The following SIN3B variants were observed in gnomAD, a reference collection of about 807,000 sequenced individuals.
SIN3B encodes paired amphipathic helix protein Sin3b.
A neutral mutation model predicts 120.2 loss-of-function variants in SIN3B; 19 were observed. The ratio of observed to expected loss-of-function variants is 0.16; its 90% CI spans 0.11 to 0.23. The LOEUF is 0.23. SIN3B is among the 10% of genes least tolerant of loss of function. The probability of loss-of-function intolerance (pLI) is 1.00; values close to 1 mark genes in which losing one functional copy is unlikely to be tolerated. For synonymous variants in SIN3B, 654 were observed against 653.2 expected (o/e 1.00, Z -0.02); for missense variants, 1,073 against 1,573.0 (o/e 0.68, Z 5.38).
intron 3 of SIN3B, among the ~76,000 whole-genome samples, chr19:16,832,644 G>A (rs1971294735): frequency 6.6e-6 from 1 of 151,874 alleles, no homozygotes; most frequent in Admixed American, 6.6e-5. Flanking sequence ...AGGACTACAG[G>A]CGTGCACCAC....
intron 3 of SIN3B, among the ~76,000 whole-genome samples, chr19:16,841,501 G>A (rs1971416358): frequency 6.6e-6 from 1 of 152,186 alleles, no homozygotes; most frequent in Admixed American, 6.5e-5. Flanking sequence ...TGAATGTGAA[G>A]TTTTCCAAAT....
At chr19:16,841,165 C>CGCATA (rs772017738) in intron 3 of SIN3B, among the ~76,000 whole-genome samples, 5 of 152,042 alleles carry the variant, frequency 3.3e-5, no homozygotes, top group Admixed American at 6.5e-5. Context: ...GAAAAGTACA[C>CGCATA]GCATAGAGGG....
At chr19:16,849,898 C>T (rs1177996136) in intron 5 of SIN3B, among the ~76,000 whole-genome samples, 1 of 150,406 alleles carries the variant, frequency 6.6e-6, no homozygotes, top group East Asian at 2.0e-4. Context: ...GGAGGTTGCA[C>T]TGAGCTGAGA....
At chr19:16,846,775 C>G (rs140036161) in intron 4 of SIN3B, among the ~76,000 whole-genome samples, 195 bp from the exon 5 acceptor site, 4 of 152,162 alleles carry the variant, frequency 2.6e-5, no homozygotes, top group African/African-American at 9.7e-5. Context: ...TACTCCTGGA[C>G]GGGACCTGCC....
chr19:16,830,995 G>A (rs1443692290), intron 2 of SIN3B, among the ~76,000 whole-genome samples: 1 of 152,064 alleles, frequency 6.6e-6, no homozygotes, highest in Non-Finnish European at 1.5e-5. Context: ...CACCAGGAGG[G>A]AACAGGGAGC....
intron 12 of SIN3B, among the ~76,000 whole-genome samples, chr19:16,867,461 A>T (rs1321583716): frequency 6.6e-6 from 1 of 152,092 alleles, no homozygotes; most frequent in Non-Finnish European, 1.5e-5. Context: ...GCCTGCTTGC[A>T]GGATCCTGAG....
chr19:16,854,766 T>C (rs1392419115), intron 8 of SIN3B: 1 of 152,564 alleles, frequency 6.6e-6, no homozygotes, highest in Non-Finnish European at 1.5e-5. Flanking sequence ...ACTGGTGCTC[T>C]GAGCTGCTGG....
At chr19:16,838,375 G>A (rs1395942888) in intron 3 of SIN3B, among the ~76,000 whole-genome samples, 3 of 152,096 alleles carry the variant, frequency 2.0e-5, no homozygotes, top group Admixed American at 6.5e-5. Flanking sequence ...CCATGAGTCT[G>A]CTTCCTGTCT....
Position 16,876,307 on chromosome 19 carries a change from C to A in SIN3B, c.2766+79C>A. The A allele has an allele frequency of 1.3e-6, 2 of 1,507,996 alleles. No homozygotes were observed. The highest frequency in any genetic ancestry group is 1.8e-6 in the Non-Finnish European group (2 of 1,114,564). The allele number at this position is 1,507,996 out of a possible 1,614,324, so 93.4% of individuals were successfully genotyped here. A position where few individuals can be genotyped will look rare whatever the true frequency, so the allele number is the denominator to read the frequency against. On this transcript the variant is annotated intron_variant, in intron 15 of 18. Transcript: ENST00000248054. The surrounding 1 kb of genome is among the most constrained non-coding windows in gnomAD (Gnocchi z 7.1). ...GCTCTGGACTCAGTCCTGGGTGGAC[C>A]CTGGTTCAGCGGCTGGGACACCGGC...
chr19:16,853,869 G>A (rs1971577904), intron 7 of SIN3B, among the ~76,000 whole-genome samples: 1 of 151,932 alleles, frequency 6.6e-6, no homozygotes, highest in Admixed American at 6.6e-5. Context: ...TGCATGGGCT[G>A]TGAATTGCTG....
At chr19:16,847,869 C>T (rs1422632377) in intron 5 of SIN3B, among the ~76,000 whole-genome samples, 1 of 152,194 alleles carries the variant, frequency 6.6e-6, no homozygotes, top group African/African-American at 2.4e-5. Flanking sequence ...ATTTTCATCC[C>T]CCTGAAAGGA....
chr19:16,845,853 CTAG>C (rs1189977938), intron 4 of SIN3B, among the ~76,000 whole-genome samples: 45 of 152,324 alleles, frequency 3.0e-4, no homozygotes, highest in African/African-American at 1.0e-3. Context: ...TTCCAAGTAA[CTAG>C]GACCACAGGA....
intron 4 of SIN3B, among the ~76,000 whole-genome samples, chr19:16,843,736 G>A (rs1271356397): frequency 3.9e-5 from 6 of 152,228 alleles, no homozygotes; most frequent in Non-Finnish European, 7.3e-5. Flanking sequence ...AAGGGACAAC[G>A]CAGTATCCCC....
At position 16,857,900 on chromosome 19, in the gene SIN3B, G is replaced by A. The variant is rs867736664; in HGVS notation, c.1058+3639G>A. ...TTCTTTTCTTTTCTTTTTTTGAGACGGAGTCTAACTCTGTCACCCAGGCTG... is the reference window on the plus strand; with the variant it reads ...TTCTTTTCTTTTCTTTTTTTGAGACAGAGTCTAACTCTGTCACCCAGGCTG... On this transcript the variant is annotated intron_variant, in intron 8 of 18. Coordinates refer to ENST00000248054, the MANE Select transcript of SIN3B (RefSeq NM_001297595.2). Among the ~76,000 whole-genome samples the A allele has an allele frequency of 2.4e-4, 36 of 151,546 alleles. 1 individual carries two copies. Among genetic ancestry groups the A allele is most frequent in the Admixed American group, 1.8e-3 (28 of 15,200 alleles).
intron 9 of SIN3B, 37 bp from the exon 10 acceptor site, chr19:16,863,643 C>T (rs922335180): frequency 7.5e-7 from 1 of 1,341,694 alleles, no homozygotes; most frequent in Non-Finnish European, 1.1e-6. Context: ...GCTCCTGGGG[C>T]ATGCAGCGTC....
Position 16,870,177 on chromosome 19 carries a change from A to AT in SIN3B, c.2422+106dup, listed in dbSNP as rs543697645. The AT allele has an allele frequency of 1.4e-4, 175 of 1,256,724 alleles. No homozygotes were observed. In the African/African-American group the frequency reaches 2.5e-3, roughly 18 times the overall value. The allele number at this position is 1,256,724 out of a possible 1,614,324, so 77.8% of individuals were successfully genotyped here. ...CTGTTACTTTTCTTTCTGGCTTTTC[A>AT]TTTTAAGAGAATTCTGTGATTTCAA... On this transcript the variant is annotated intron_variant, in intron 13 of 18. Coordinates refer to ENST00000248054, the MANE Select transcript of SIN3B (RefSeq NM_001297595.2).
At chr19:16,863,026 T>C (rs1971711069) in intron 9 of SIN3B, 2 of 1,409,794 alleles carry the variant, frequency 1.4e-6, no homozygotes, top group East Asian at 4.5e-5. Context: ...CCCGTGTTTG[T>C]AAATAAAGTT....
intron 8 of SIN3B, among the ~76,000 whole-genome samples, chr19:16,858,174 G>A (rs1599603199): frequency 6.6e-6 from 1 of 152,184 alleles, no homozygotes; most frequent in Admixed American, 6.5e-5. Flanking sequence ...ACGGCGCCCA[G>A]GCCCTGGGTT....
Position 16,878,753 on chromosome 19 carries a change from C to A in SIN3B, c.*26C>A. The A allele has an allele frequency of 1.3e-6, 2 of 1,560,820 alleles. No individual in the cohort carries two copies. The highest frequency in any genetic ancestry group is 1.7e-6 in the Non-Finnish European group (2 of 1,155,924). ...CCCGCCCTCATGGGCACCGGGCAGGCGCCTCACAGAGCACAGACGTGCCCT... is the reference window on the plus strand; with the variant it reads ...CCCGCCCTCATGGGCACCGGGCAGGAGCCTCACAGAGCACAGACGTGCCCT... On this transcript the variant is annotated 3_prime_UTR_variant, in exon 19 of 19. Transcript: ENST00000248054.
Sources: gnomAD v4.1 joint callset for allele counts (sites outside exome capture counted in the v4.1 genomes callset) on GRCh38, gnomAD v4.1.1 for gene constraint, Gnocchi (gnomAD v3.1) non-coding constraint, MANE v1.5 for transcripts, NCBI Gene and HGNC (gene_info 2026-07-23, HGNC 2026-07-21) for gene names.